SAMD12: variants seen among roughly 807,000 people sequenced by gnomAD.
SAMD12 encodes sterile alpha motif domain-containing protein 12.
SAMD12 carries 9 observed loss-of-function variants against 15.0 expected under a neutral mutation model. The observed-to-expected ratio is 0.60, with a 90% CI of 0.36 to 1.05. The LOEUF (loss-of-function observed/expected upper bound fraction) is 1.05, where lower values mean the gene tolerates loss of function less well. Ranked by LOEUF, SAMD12 falls within the 50% of genes least tolerant of loss-of-function variation. The pLI is 0.01. For synonymous variants in SAMD12, 86 were observed against 90.1 expected (o/e 0.96, Z 0.25); for missense variants, 230 against 234.2 (o/e 0.98, Z 0.12).
intron 2 of SAMD12, among the ~76,000 whole-genome samples, chr8:118,523,976 G>A (rs1023522967): frequency 6.6e-6 from 1 of 151,992 alleles, no homozygotes; most frequent in Non-Finnish European, 1.5e-5. Context: ...CTCTTTCCGC[G>A]TGTCCTCAAT....
chr8:118,349,907 TGCTTGAGCCCAGGA>T (rs1484345406), intron 4 of SAMD12, among the ~76,000 whole-genome samples: 1 of 152,126 alleles, frequency 6.6e-6, no homozygotes, highest in East Asian at 1.9e-4. Flanking sequence ...CTGGGAGGAT[TGCTTGAGCCCAGGA>T]GTTTGAGGCC....
At chr8:118,574,374 TG>T (rs1387195747) in intron 2 of SAMD12, among the ~76,000 whole-genome samples, 9 of 152,344 alleles carry the variant, frequency 5.9e-5, no homozygotes, top group Middle Eastern at 6.8e-3. Flanking sequence ...CCTATAGATC[TG>T]TCAGCATAAA....
At chr8:118,463,950 G>A (rs1823512025) in intron 2 of SAMD12, among the ~76,000 whole-genome samples, 1 of 152,164 alleles carries the variant, frequency 6.6e-6, no homozygotes, top group Non-Finnish European at 1.5e-5. Flanking sequence ...GACTCGCAAT[G>A]AATGTCCTTA....
intron 3 of SAMD12, among the ~76,000 whole-genome samples, chr8:118,434,265 G>A (rs4876416): frequency 6.6e-6 from 1 of 152,114 alleles, no homozygotes; most frequent in East Asian, 1.9e-4. Context: ...TACATCTATT[G>A]TGTAGGTGAT....
chr8:118,496,421 C>T (rs898218700), intron 2 of SAMD12, among the ~76,000 whole-genome samples: 2 of 151,988 alleles, frequency 1.3e-5, no homozygotes, highest in African/African-American at 2.4e-5. Context: ...AAGCTGCATA[C>T]CTGCAACCAT....
rs3052708 is a variant in SAMD12 at position 118,406,890 on chromosome 8, T to TTGTGTGTGTGTGTG, written c.323-27204_323-27191dup. ...CATTTTAAAGCTTAACAATATTCCA[T>TTGTGTGTGTGTGTG]TGTGTGTGTGTGTGTGTGTGTGTGT... On this transcript the variant is annotated intron_variant, in intron 3 of 3. Coordinates refer to ENST00000314727, the MANE Select transcript of SAMD12 (RefSeq NM_207506.3). Among the ~76,000 whole-genome samples the TTGTGTGTGTGTGTG allele has an allele frequency of 4.4e-3, 647 of 147,438 alleles. 14 individuals carry two copies. The highest frequency in any genetic ancestry group is 0.015 in the African/African-American group (604 of 39,654).
At chr8:118,133,308 G>C in the SAMD12 span, among the ~76,000 whole-genome samples, 1 of 151,654 alleles carries the variant, frequency 6.6e-6, no homozygotes, top group African/African-American at 2.4e-5. Context: ...AGGGCATTTT[G>C]ATGTCCATCA....
chr8:118,219,221 C>T (rs770338781), intron 4 of SAMD12, among the ~76,000 whole-genome samples: 20 of 152,164 alleles, frequency 1.3e-4, no homozygotes, highest in Admixed American at 1.1e-3. Context: ...ATTATATACT[C>T]GAATTGCTTG....
intron 4 of SAMD12, among the ~76,000 whole-genome samples, chr8:118,336,328 A>C (rs954390220): frequency 1.3e-5 from 2 of 152,220 alleles, no homozygotes; most frequent in African/African-American, 4.8e-5. Flanking sequence ...TAGGTCATAC[A>C]TGGTTTTACC....
intron 4 of SAMD12, among the ~76,000 whole-genome samples, chr8:118,202,005 C>T (rs1342347423): frequency 6.6e-6 from 1 of 152,182 alleles, no homozygotes; most frequent in Non-Finnish European, 1.5e-5. Flanking sequence ...GATATGGGTT[C>T]ACATCCTAGG....
At chr8:118,368,101 T>A (rs1334287860) in intron 4 of SAMD12, among the ~76,000 whole-genome samples, 1 of 152,192 alleles carries the variant, frequency 6.6e-6, no homozygotes, top group African/African-American at 2.4e-5. Flanking sequence ...CCAAGGAGAA[T>A]TTCTCTGATG....
the SAMD12 span, among the ~76,000 whole-genome samples, chr8:118,159,943 A>T: frequency 6.6e-6 from 1 of 152,032 alleles, no homozygotes; most frequent in Non-Finnish European, 1.5e-5. Flanking sequence ...TGGTCTCGAA[A>T]TCCTGACTTC....
chr8:118,132,013 T>A, the SAMD12 span, among the ~76,000 whole-genome samples: 5 of 152,358 alleles, frequency 3.3e-5, no homozygotes, highest in East Asian at 9.6e-4. Flanking sequence ...ATATCCATTA[T>A]CAAGTGATAA....
At chr8:118,267,954 T>TGGTGGCA (rs1464153202) in intron 4 of SAMD12, among the ~76,000 whole-genome samples, 1 of 152,030 alleles carries the variant, frequency 6.6e-6, no homozygotes, top group African/African-American at 2.4e-5. Flanking sequence ...TAGCCAGGTA[T>TGGTGGCA]GGTGGCAGGT....
intron 4 of SAMD12, among the ~76,000 whole-genome samples, chr8:118,298,868 T>G (rs888363998): frequency 2.6e-5 from 4 of 152,178 alleles, no homozygotes; most frequent in Admixed American, 2.0e-4. Context: ...ATTTGAACAG[T>G]AGTTGGTATT....
intron 2 of SAMD12, among the ~76,000 whole-genome samples, chr8:118,489,551 C>T (rs2515043): frequency 0.44 from 67,480 of 151,944 alleles, 15,409 homozygotes; most frequent in East Asian, 0.63. Context: ...CTTCTTCCCC[C>T]CTTAAAGATC....
chr8:118,280,911 T>C (rs1813614730), intron 4 of SAMD12, among the ~76,000 whole-genome samples: 1 of 152,206 alleles, frequency 6.6e-6, no homozygotes, highest in African/African-American at 2.4e-5. Context: ...CCAGAGTGTA[T>C]TCTGCGTCCT....
chr8:118,135,655 A>G, the SAMD12 span, among the ~76,000 whole-genome samples: 1 of 150,210 alleles, frequency 6.7e-6, no homozygotes. Flanking sequence ...TAATCCTCTC[A>G]CCTCAGCCTC....
At chr8:118,589,152 CAG>C (rs1002014083) in intron 1 of SAMD12, among the ~76,000 whole-genome samples, 1 of 152,104 alleles carries the variant, frequency 6.6e-6, no homozygotes, top group Non-Finnish European at 1.5e-5. Flanking sequence ...ATGAGAAAGA[CAG>C]GGGAAGAAAC....
Sources: gnomAD v4.1 joint callset for allele counts (sites outside exome capture counted in the v4.1 genomes callset) on GRCh38, gnomAD v4.1.1 for gene constraint, MANE v1.5 for transcripts, NCBI Gene and HGNC (gene_info 2026-07-23, HGNC 2026-07-21) for gene names.